Variants in DTNA observed in about 807,000 individuals in gnomAD.
DTNA encodes dystrophin-related protein 3.
A neutral mutation model predicts 100.7 loss-of-function variants in DTNA; 43 were observed. That is an observed-to-expected ratio of 0.43 (90% confidence interval 0.33 to 0.55). DTNA has a LOEUF of 0.55. Ranked by LOEUF, DTNA falls within the 20% of genes least tolerant of loss-of-function variation. The pLI, the probability that DTNA is intolerant of heterozygous loss-of-function variation, is 0.04. For synonymous variants in DTNA, 349 were observed against 347.9 expected, an observed-to-expected ratio of 1.00 and a Z score of -0.04; for missense variants, 798 against 953.9, an observed-to-expected ratio of 0.84 and a Z score of 2.15.
intron 1 of DTNA, among the ~76,000 whole-genome samples, chr18:34,625,760 A>G (rs2057235440): frequency 6.6e-6 from 1 of 152,324 alleles, no homozygotes; most frequent in South Asian, 2.1e-4. Context: ...AACATCTTGG[A>G]GAAGGTGGAC....
chr18:34,637,535 T>G (rs2058792586), intron 1 of DTNA, among the ~76,000 whole-genome samples: 1 of 152,208 alleles, frequency 6.6e-6, no homozygotes, highest in Non-Finnish European at 1.5e-5. Context: ...GGCTCTCAGA[T>G]ACTATTAGGC....
chr18:34,750,978 T>C (rs1259414350), intron 1 of DTNA, among the ~76,000 whole-genome samples: 1 of 152,208 alleles, frequency 6.6e-6, no homozygotes, highest in East Asian at 1.9e-4. Context: ...TCTTGCTGGT[T>C]CCCAAACTGT....
At chr18:34,814,807 A>G (rs1037412591) in intron 6 of DTNA, among the ~76,000 whole-genome samples, 1 of 152,220 alleles carries the variant, frequency 6.6e-6, no homozygotes, top group Non-Finnish European at 1.5e-5. Context: ...TATGATTTAT[A>G]TATATCCTTA....
At chr18:34,759,357 A>G (rs902477767) in intron 2 of DTNA, among the ~76,000 whole-genome samples, 1 of 152,154 alleles carries the variant, frequency 6.6e-6, no homozygotes, top group Non-Finnish European at 1.5e-5. Flanking sequence ...TTAGCCTTAT[A>G]TGGTAGTTAC....
intron 17 of DTNA, chr18:34,866,309 A>AT: frequency 2.0e-6 from 3 of 1,485,572 alleles, no homozygotes; most frequent in Non-Finnish European, 1.8e-6. Flanking sequence ...TAAATTTAGC[A>AT]TTTTTTATAA....
At chr18:34,868,182 G>A (rs1279199527) in intron 17 of DTNA, 3 of 398,548 alleles carry the variant, frequency 7.5e-6, no homozygotes, top group East Asian at 1.6e-4. Context: ...GAAAATTATC[G>A]GTGGTTTTAT....
chr18:34,504,045 A>G (rs1295165809), intron 1 of DTNA: 1 of 149,780 alleles, frequency 6.7e-6, no homozygotes, highest in Non-Finnish European at 1.5e-5. Context: ...TTTAGTAGAG[A>G]TGGGGTTTCA....
At position 34,736,092 on chromosome 18, in the gene DTNA, G is replaced by T. The variant is rs79973546; in HGVS notation, c.-1-19884G>T. ...CTATACCATGAAGTTGGAAATTCTAGTTCAATGCCCTCCACGTGAAGAGCT... is the reference window on the plus strand; with the variant it reads ...CTATACCATGAAGTTGGAAATTCTATTTCAATGCCCTCCACGTGAAGAGCT... On this transcript the variant is annotated intron_variant, in intron 1 of 22. Transcript: ENST00000444659. 7.6e-3 allele frequency among the ~76,000 whole-genome samples: 1,156 copies of T among 152,286 alleles called. 18 individuals carry two copies. Among genetic ancestry groups the T allele is most frequent in the African/African-American group, 0.027 (1,119 of 41,568 alleles).
intron 13 of DTNA, among the ~76,000 whole-genome samples, chr18:34,845,229 C>G (rs1311928241): frequency 6.6e-6 from 1 of 152,080 alleles, no homozygotes; most frequent in African/African-American, 2.4e-5. Context: ...TTATGTGGAC[C>G]CATAAATTGT....
At chr18:34,697,276 A>G (rs1315530248) in intron 1 of DTNA, among the ~76,000 whole-genome samples, 1 of 152,246 alleles carries the variant, frequency 6.6e-6, no homozygotes, top group Non-Finnish European at 1.5e-5. Context: ...AAGGCCGTGC[A>G]GTAAACAAGT....
intron 1 of DTNA, among the ~76,000 whole-genome samples, chr18:34,741,164 T>C (rs1480426): frequency 1 from 151,631 of 152,314 alleles, 75,482 homozygotes; most frequent in Middle Eastern, 1. Flanking sequence ...ATATTTTAAT[T>C]AGGTTAATGT....
intron 4 of DTNA, among the ~76,000 whole-genome samples, chr18:34,794,959 G>GC (rs2094907108): frequency 2.6e-5 from 4 of 152,170 alleles, no homozygotes; most frequent in African/African-American, 9.7e-5. Flanking sequence ...TGGCCGAGTG[G>GC]GGACTTAGGT....
intron 19 of DTNA, among the ~76,000 whole-genome samples, chr18:34,878,041 T>C (rs2096835811): frequency 6.6e-6 from 1 of 152,090 alleles, no homozygotes; most frequent in Non-Finnish European, 1.5e-5. Context: ...GGCACCATCA[T>C]AGCTCACTGG....
At chr18:34,512,278 C>T (rs541783591) in intron 1 of DTNA, among the ~76,000 whole-genome samples, 23 of 152,014 alleles carry the variant, frequency 1.5e-4, no homozygotes, top group African/African-American at 5.5e-4. Context: ...GCCTTTTTAA[C>T]TTAAGCTTCA....
chr18:34,818,544 G>A, intron 8 of DTNA: 6 of 1,432,292 alleles, frequency 4.2e-6, no homozygotes, highest in Middle Eastern at 2.6e-4. Flanking sequence ...TAAAATATAG[G>A]AAGACTCAAA....
intron 3 of DTNA, among the ~76,000 whole-genome samples, chr18:34,774,623 T>A (rs1430857396): frequency 6.6e-6 from 1 of 152,236 alleles, no homozygotes. Flanking sequence ...CATTCAGAAA[T>A]TCATCCCTAT....
chr18:34,684,892 T>C (rs1771277845), intron 1 of DTNA, among the ~76,000 whole-genome samples: 1 of 152,252 alleles, frequency 6.6e-6, no homozygotes, highest in South Asian at 2.1e-4. Context: ...ATTTCTCTAA[T>C]GACCAGTGAT....
intron 2 of DTNA, among the ~76,000 whole-genome samples, chr18:34,761,257 T>G (rs1443653729): frequency 6.6e-6 from 1 of 152,144 alleles, no homozygotes; most frequent in Non-Finnish European, 1.5e-5. Flanking sequence ...TGAGCAAAAC[T>G]TTTAAATGAA....
rs568412785 is a variant in DTNA at position 34,823,004 on chromosome 18, A to G, written c.1001+2089A>G. ...TTTAATTGTTGAAATAACATACAAG[A>G]CATTCTGGATGTAGAATGTTAAGTC... On this transcript the variant is annotated intron_variant, in intron 9 of 22. Coordinates refer to ENST00000444659, the MANE Select transcript of DTNA (RefSeq NM_001386795.1). Among the ~76,000 whole-genome samples the G allele has an allele frequency of 3.2e-4, 48 of 152,336 alleles. 2 individuals are homozygous for G. In the South Asian group the frequency reaches 1.0e-2, roughly 32 times the overall value.
Sources: gnomAD v4.1 joint callset for allele counts (sites outside exome capture counted in the v4.1 genomes callset) on GRCh38, gnomAD v4.1.1 for gene constraint, MANE v1.5 for transcripts, NCBI Gene and HGNC (gene_info 2026-07-23, HGNC 2026-07-21) for gene names.